GUCY1A2: variants seen among roughly 807,000 people sequenced by gnomAD.
GUCY1A2 encodes the protein guanylate cyclase 1 soluble subunit alpha 2, also known as guanylate cyclase soluble subunit alpha-2.
Under a neutral mutation model 63.5 loss-of-function variants are expected in GUCY1A2, and 27 were observed. The ratio of observed to expected loss-of-function variants is 0.43; its 90% CI spans 0.31 to 0.59. GUCY1A2 has a LOEUF of 0.59. GUCY1A2 is among the 20% of genes least tolerant of loss of function. The pLI is 0.11. For synonymous variants in GUCY1A2, 364 were observed against 343.5 expected (o/e 1.06, Z -0.66); for missense variants, 768 against 913.3 (o/e 0.84, Z 2.05).
chr11:106,821,402 A>G (rs528799002), intron 4 of GUCY1A2, among the ~76,000 whole-genome samples: 1 of 152,294 alleles, frequency 6.6e-6, no homozygotes, highest in East Asian at 1.9e-4. Context: ...AGTAAATCAT[A>G]CACATTAAAG....
chr11:106,919,595 T>C (rs553317398), intron 4 of GUCY1A2, among the ~76,000 whole-genome samples: 3 of 152,112 alleles, frequency 2.0e-5, no homozygotes, highest in African/African-American at 4.8e-5. Context: ...GCATGTGGAC[T>C]CCCCAGGTGA....
chr11:106,823,890 C>T, intron 4 of GUCY1A2: 1 of 339,276 alleles, frequency 2.9e-6, no homozygotes, highest in Non-Finnish European at 5.4e-6. Context: ...TTGTTCATGT[C>T]CTTTGCCCAC....
chr11:107,000,650 T>C (rs1861601860), intron 1 of GUCY1A2, among the ~76,000 whole-genome samples: 1 of 152,182 alleles, frequency 6.6e-6, no homozygotes, highest in Admixed American at 6.5e-5. Flanking sequence ...AGTAGATTGG[T>C]AGATAAATAC....
chr11:106,876,888 G>A (rs73553827), intron 4 of GUCY1A2, among the ~76,000 whole-genome samples: 1 of 152,080 alleles, frequency 6.6e-6, no homozygotes, highest in Admixed American at 6.6e-5. Flanking sequence ...CCCAGAATCT[G>A]TGAATCTGTT....
intron 4 of GUCY1A2, among the ~76,000 whole-genome samples, chr11:106,819,415 C>T (rs1940381): frequency 0.9 from 136,773 of 152,184 alleles, 61,582 homozygotes; most frequent in East Asian, 1. Context: ...TCAATCGATG[C>T]AGCAAACTTC....
At chr11:106,714,821 G>A (rs368680929) in intron 6 of GUCY1A2, among the ~76,000 whole-genome samples, 115 of 152,196 alleles carry the variant, frequency 7.6e-4, no homozygotes, top group Middle Eastern at 3.4e-3. Flanking sequence ...CCCTGGAAAA[G>A]AATTTTCCAG....
intron 6 of GUCY1A2, among the ~76,000 whole-genome samples, chr11:106,742,280 A>G (rs1248155120): frequency 6.6e-6 from 1 of 152,126 alleles, no homozygotes; most frequent in Non-Finnish European, 1.5e-5. Context: ...AGATCATCCC[A>G]TCACTTAGAT....
At chr11:106,720,333 C>T (rs1047441257) in intron 6 of GUCY1A2, among the ~76,000 whole-genome samples, 2 of 152,110 alleles carry the variant, frequency 1.3e-5, no homozygotes, top group Non-Finnish European at 2.9e-5. Flanking sequence ...TTGTCTTGGG[C>T]GTTGGTCATT....
intron 4 of GUCY1A2, among the ~76,000 whole-genome samples, chr11:106,883,511 G>A (rs11211958): frequency 0.16 from 24,469 of 152,094 alleles, 2,390 homozygotes; most frequent in East Asian, 0.29. Context: ...ACTATGTAAT[G>A]TGTAGGAAGA....
intron 6 of GUCY1A2, among the ~76,000 whole-genome samples, chr11:106,764,971 G>T (rs7103482): frequency 7.1e-3 from 211 of 29,564 alleles, no homozygotes; most frequent in South Asian, 0.021. Context: ...AGATTTTTTT[G>T]GGGGGGGGTT....
chr11:106,849,901 A>G (rs1230550006), intron 4 of GUCY1A2, among the ~76,000 whole-genome samples: 1 of 151,736 alleles, frequency 6.6e-6, no homozygotes, highest in Non-Finnish European at 1.5e-5. Flanking sequence ...TTCACATACC[A>G]TAGAATTAAC....
At chr11:106,760,112 C>T (rs537049998) in intron 6 of GUCY1A2, among the ~76,000 whole-genome samples, 9 of 152,244 alleles carry the variant, frequency 5.9e-5, no homozygotes, top group African/African-American at 2.2e-4. Flanking sequence ...ATAAAACGGC[C>T]AACACGTTGA....
chr11:106,818,725 T>G (rs940626958), intron 4 of GUCY1A2, among the ~76,000 whole-genome samples: 5 of 152,106 alleles, frequency 3.3e-5, no homozygotes, highest in African/African-American at 9.7e-5. Flanking sequence ...GAAAGGTTCT[T>G]GAAGGAAATT....
At chr11:106,957,439 G>A (rs185174886) in intron 3 of GUCY1A2, among the ~76,000 whole-genome samples, 1 of 152,314 alleles carries the variant, frequency 6.6e-6, no homozygotes, top group African/African-American at 2.4e-5. Flanking sequence ...GGGTTCACGA[G>A]TGGGATCTTC....
At chr11:106,846,721 T>G (rs1024417436) in intron 4 of GUCY1A2, among the ~76,000 whole-genome samples, 1 of 151,634 alleles carries the variant, frequency 6.6e-6, no homozygotes, top group African/African-American at 2.4e-5. Flanking sequence ...TTATATCTAC[T>G]TAGCATCTAA....
chr11:106,862,404 T>C (rs1291954108), intron 4 of GUCY1A2, among the ~76,000 whole-genome samples: 2 of 151,970 alleles, frequency 1.3e-5, no homozygotes, highest in Non-Finnish European at 2.9e-5. Context: ...ATCATCATCA[T>C]CATCATTTAA....
intron 1 of GUCY1A2, among the ~76,000 whole-genome samples, chr11:106,992,323 GTCTT>G (rs1273855542): frequency 7.3e-6 from 1 of 137,300 alleles, no homozygotes; most frequent in African/African-American, 2.7e-5. Flanking sequence ...AAAAGAATAT[GTCTT>G]TTTTTTTTTT....
intron 6 of GUCY1A2, among the ~76,000 whole-genome samples, chr11:106,733,332 G>T (rs1863535419): frequency 2.0e-5 from 3 of 152,216 alleles, no homozygotes; most frequent in Middle Eastern, 3.4e-3. Context: ...GAAAGCCATT[G>T]TTTAGAGACT....
intron 4 of GUCY1A2, among the ~76,000 whole-genome samples, chr11:106,855,478 T>TC (rs1859416785): frequency 1.2e-5 from 1 of 84,498 alleles, no homozygotes; most frequent in South Asian, 3.0e-4. Context: ...GTTTTGGTCC[T>TC]TTTTTTTGTG....
Sources: allele counts gnomAD v4.1 joint callset (sites outside exome capture counted in the v4.1 genomes callset), GRCh38; gene constraint gnomAD v4.1.1; transcripts MANE v1.5; gene names NCBI Gene and HGNC (gene_info 2026-07-23, HGNC 2026-07-21).